Variants in PPFIA2 observed in about 807,000 individuals in gnomAD.
PPFIA2 encodes the protein PPFI scaffold protein A2, also known as liprin-alpha-2.
Under a neutral mutation model 175.5 loss-of-function variants are expected in PPFIA2, and 46 were observed. That is an observed-to-expected ratio of 0.26 (90% confidence interval 0.21 to 0.34). The LOEUF (loss-of-function observed/expected upper bound fraction) is 0.34, where lower values mean the gene tolerates loss of function less well. PPFIA2 is among the 10% of genes least tolerant of loss of function. PPFIA2 has a pLI of 1.00. For missense variants in PPFIA2, 1,179 were observed against 1,506.1 expected (o/e 0.78, Z 3.60); for synonymous variants, 568 against 511.4 (o/e 1.11, Z -1.49).
intron 22 of PPFIA2, among the ~76,000 whole-genome samples, chr12:81,306,984 T>C (rs2049398992): frequency 6.6e-6 from 1 of 152,234 alleles, no homozygotes; most frequent in South Asian, 2.1e-4. Flanking sequence ...CCTTTCCTTC[T>C]AACCAGAATT....
rs191574876 is a variant in PPFIA2 at position 81,566,196 on chromosome 12, G to T, written c.304-108330C>A. Among the ~76,000 whole-genome samples, 635 of 152,146 alleles carry T rather than the reference G, an allele frequency of 4.2e-3. 3 individuals carry two copies. The highest frequency in any genetic ancestry group is 0.014 in the African/African-American group (599 of 41,512). On this transcript the variant is annotated intron_variant, in intron 4 of 32. Transcript: ENST00000549396. The stretch of plus-strand genomic sequence containing the variant: ...GGCAAGAGGACCCAGTAAATGACCT[G>T]CCCTGCCATAAGGGCTTTGTCTTAT...
At chr12:81,356,542 G>T (rs1171508282) in intron 16 of PPFIA2, among the ~76,000 whole-genome samples, 1 of 151,664 alleles carries the variant, frequency 6.6e-6, no homozygotes, top group Non-Finnish European at 1.5e-5. Flanking sequence ...GCCCGCTTGT[G>T]GTCCCAGCTA....
chr12:81,382,627 G>A (rs890850101), intron 9 of PPFIA2, among the ~76,000 whole-genome samples: 1 of 152,134 alleles, frequency 6.6e-6, no homozygotes, highest in African/African-American at 2.4e-5. Context: ...AGTGTGTGAG[G>A]GGAGAGATCT....
chr12:81,686,585 C>CTGA (rs1035296011), intron 3 of PPFIA2, among the ~76,000 whole-genome samples: 3 of 152,086 alleles, frequency 2.0e-5, no homozygotes, highest in Non-Finnish European at 4.4e-5. Flanking sequence ...CTTTTCCACA[C>CTGA]TGATGCATCC....
intron 4 of PPFIA2, among the ~76,000 whole-genome samples, chr12:81,477,294 A>G (rs2057599560): frequency 7.6e-6 from 1 of 131,748 alleles, no homozygotes; most frequent in Non-Finnish European, 1.7e-5. Flanking sequence ...AAAGGAGGAG[A>G]GAGAGCTACT....
intron 3 of PPFIA2, among the ~76,000 whole-genome samples, chr12:81,686,433 C>T (rs1377733985): frequency 1.3e-5 from 2 of 152,032 alleles, no homozygotes; most frequent in Non-Finnish European, 2.9e-5. Flanking sequence ...GAAGAAAGTG[C>T]CAGAGATTCA....
At chr12:81,359,822 A>T (rs1374847051) in intron 15 of PPFIA2, among the ~76,000 whole-genome samples, 1 of 151,972 alleles carries the variant, frequency 6.6e-6, no homozygotes, top group Non-Finnish European at 1.5e-5. Flanking sequence ...AAAAAGCAAA[A>T]CACAGATCTA....
At chr12:81,609,153 G>T (rs2060634911) in intron 4 of PPFIA2, among the ~76,000 whole-genome samples, 5 of 151,906 alleles carry the variant, frequency 3.3e-5, no homozygotes, top group Admixed American at 3.3e-4. Flanking sequence ...TAGTTGGTAT[G>T]ATTTTAATTT....
chr12:81,477,283 A>G (rs7980547), intron 4 of PPFIA2, among the ~76,000 whole-genome samples: 77,054 of 151,878 alleles, frequency 0.51, 19,972 homozygotes, highest in African/African-American at 0.59. Flanking sequence ...GGATTGAGAG[A>G]AAAGGAGGAG....
intron 4 of PPFIA2, among the ~76,000 whole-genome samples, chr12:81,528,551 A>G (rs977829389): frequency 6.6e-6 from 1 of 152,102 alleles, no homozygotes; most frequent in Non-Finnish European, 1.5e-5. Context: ...TATTGAGTAC[A>G]TGTGTTCATC....
intron 22 of PPFIA2, among the ~76,000 whole-genome samples, chr12:81,309,822 T>C (rs1308415723): frequency 6.6e-6 from 1 of 152,052 alleles, no homozygotes; most frequent in Non-Finnish European, 1.5e-5. Context: ...ATTTTGAATT[T>C]AAATATTTTC....
chr12:81,457,956 G>T (rs2053866166), intron 4 of PPFIA2, 90 bp from the exon 5 acceptor site: 3 of 832,998 alleles, frequency 3.6e-6, no homozygotes, highest in Non-Finnish European at 5.6e-6. Flanking sequence ...GAAAAGAATG[G>T]GGAAAAATGA....
At chr12:81,345,699 G>C (rs1472529441) in intron 18 of PPFIA2, among the ~76,000 whole-genome samples, 4 of 152,068 alleles carry the variant, frequency 2.6e-5, no homozygotes, top group Non-Finnish European at 5.9e-5. Context: ...TTATTCTGTG[G>C]TCCAGGATTC....
At chr12:81,281,989 T>C (rs2042189011) in intron 26 of PPFIA2, among the ~76,000 whole-genome samples, 1 of 152,012 alleles carries the variant, frequency 6.6e-6, no homozygotes, top group South Asian at 2.1e-4. Context: ...GGTCGTCAGC[T>C]TTCCAAAAAA....
chr12:81,648,472 C>T (rs1165864473), intron 4 of PPFIA2, among the ~76,000 whole-genome samples: 1 of 151,674 alleles, frequency 6.6e-6, no homozygotes, highest in Non-Finnish European at 1.5e-5. Context: ...AATATTAAAA[C>T]AATTTTGAGA....
intron 4 of PPFIA2, among the ~76,000 whole-genome samples, chr12:81,557,331 GGAC>G (rs1290675753): frequency 6.6e-6 from 1 of 151,588 alleles, no homozygotes; most frequent in African/African-American, 2.4e-5. Context: ...GTGGGTGGAG[GGAC>G]AAGATCTTTT....
intron 23 of PPFIA2, among the ~76,000 whole-genome samples, chr12:81,297,280 CA>C (rs2046709521): frequency 6.6e-6 from 1 of 152,138 alleles, no homozygotes; most frequent in African/African-American, 2.4e-5. Flanking sequence ...ACTCCTGACC[CA>C]TAGAAGTCAT....
intron 4 of PPFIA2, among the ~76,000 whole-genome samples, chr12:81,649,862 G>T (rs1440001261): frequency 6.6e-6 from 1 of 152,160 alleles, no homozygotes; most frequent in African/African-American, 2.4e-5. Flanking sequence ...TAGATCAATG[G>T]TTGATATGGT....
intron 4 of PPFIA2, among the ~76,000 whole-genome samples, chr12:81,547,976 C>A (rs2067253843): frequency 1.3e-5 from 2 of 152,136 alleles, no homozygotes; most frequent in African/African-American, 4.8e-5. Context: ...TGAGTGAAGT[C>A]ACTAAACTAA....
Sources: allele counts gnomAD v4.1 joint callset (sites outside exome capture counted in the v4.1 genomes callset), GRCh38; gene constraint gnomAD v4.1.1; transcripts MANE v1.5; gene names NCBI Gene and HGNC (gene_info 2026-07-23, HGNC 2026-07-21).